The following AFF3 variants were observed in gnomAD, a reference collection of about 807,000 sequenced individuals.
AFF3 encodes the protein AF4/FMR2 family member 3.
AFF3 carries 32 observed loss-of-function variants against 129.7 expected under a neutral mutation model. The ratio of observed to expected loss-of-function variants is 0.25; its 90% CI spans 0.19 to 0.33. The LOEUF is 0.33. AFF3 is among the 10% of genes least tolerant of loss of function. AFF3 has a pLI of 1.00. For synonymous variants in AFF3, 644 were observed against 635.4 expected (o/e 1.01, Z -0.20); for missense variants, 1,373 against 1,592.0 (o/e 0.86, Z 2.34).
At chr2:99,855,340 CA>C (rs1304431273) in intron 7 of AFF3, among the ~76,000 whole-genome samples, 2 of 151,900 alleles carry the variant, frequency 1.3e-5, no homozygotes, top group Admixed American at 6.6e-5. Context: ...AAAGCTGTTA[CA>C]AAAAAATTAA....
intron 7 of AFF3, among the ~76,000 whole-genome samples, chr2:99,862,009 G>T (rs2105918156): frequency 6.6e-6 from 1 of 152,236 alleles, no homozygotes; most frequent in African/African-American, 2.4e-5. Context: ...AACTGCTGCA[G>T]ATTTAGAAAG....
At chr2:99,981,613 C>A (rs193142917) in intron 7 of AFF3, among the ~76,000 whole-genome samples, 52 of 152,264 alleles carry the variant, frequency 3.4e-4, no homozygotes, top group African/African-American at 1.2e-3. Flanking sequence ...TCTTCATATT[C>A]ATTTTCCTAC....
At chr2:99,706,495 G>T (rs1423054046) in intron 11 of AFF3, among the ~76,000 whole-genome samples, 1 of 152,186 alleles carries the variant, frequency 6.6e-6, no homozygotes, top group Non-Finnish European at 1.5e-5. Context: ...TGGCCCTCTG[G>T]AAAGAGCCTG....
intron 7 of AFF3, among the ~76,000 whole-genome samples, chr2:99,882,194 G>T (rs1423627616): frequency 6.6e-6 from 1 of 151,932 alleles, no homozygotes; most frequent in Non-Finnish European, 1.5e-5. Flanking sequence ...GCTCTCTGTG[G>T]GTGAACATAT....
intron 4 of AFF3, among the ~76,000 whole-genome samples, chr2:100,031,417 T>C (rs543858119): frequency 5.3e-5 from 8 of 152,158 alleles, no homozygotes; most frequent in Non-Finnish European, 1.0e-4. Flanking sequence ...ACTATAGATA[T>C]AGAGGGTTAC....
chr2:100,077,249 G>A (rs932092544), intron 4 of AFF3, among the ~76,000 whole-genome samples: 7 of 152,050 alleles, frequency 4.6e-5, no homozygotes, highest in African/African-American at 1.4e-4. Flanking sequence ...TGTCTCAAAC[G>A]AAAATAAAAC....
intron 8 of AFF3, among the ~76,000 whole-genome samples, chr2:99,830,394 A>C (rs574955855): frequency 1.3e-5 from 2 of 152,362 alleles, no homozygotes; most frequent in Non-Finnish European, 2.9e-5. Context: ...GGTGGTTTCC[A>C]TCAAAGAATA....
At chr2:99,847,112 TC>T (rs577756527) in intron 7 of AFF3, among the ~76,000 whole-genome samples, 237 of 152,218 alleles carry the variant, frequency 1.6e-3, no homozygotes, top group African/African-American at 5.5e-3. Context: ...TTTTCAATAC[TC>T]CAAGTTTTAT....
intron 20 of AFF3, among the ~76,000 whole-genome samples, chr2:99,562,998 C>G (rs1293990055): frequency 6.7e-6 from 1 of 148,272 alleles, no homozygotes; most frequent in Admixed American, 6.7e-5. Flanking sequence ...CTCCACTGAC[C>G]CACGCCTGCT....
At chr2:99,978,087 C>T (rs1366916729) in intron 7 of AFF3, among the ~76,000 whole-genome samples, 1 of 152,180 alleles carries the variant, frequency 6.6e-6, no homozygotes, top group Non-Finnish European at 1.5e-5. Flanking sequence ...CAGTAAAGTT[C>T]AAAGAGAGCT....
At chr2:99,559,624 A>T (rs1675285896) in intron 21 of AFF3, among the ~76,000 whole-genome samples, 1 of 152,206 alleles carries the variant, frequency 6.6e-6, no homozygotes, top group African/African-American at 2.4e-5. Context: ...AAAGGGGCAC[A>T]AAAGGCGTTT....
chr2:100,007,772 T>TAAA, intron 5 of AFF3: 2 of 351,968 alleles, frequency 5.7e-6, no homozygotes, highest in South Asian at 6.3e-5. Flanking sequence ...GTCAGGTGTT[T>TAAA]GAGATCAGCC....
At chr2:99,647,194 T>C (rs1299834454) in intron 13 of AFF3, among the ~76,000 whole-genome samples, 1 of 152,192 alleles carries the variant, frequency 6.6e-6, no homozygotes, top group African/African-American at 2.4e-5. Context: ...TAAAGACACA[T>C]GCACGTGTAC....
chr2:100,030,385 G>T (rs1684397062), intron 4 of AFF3, among the ~76,000 whole-genome samples: 2 of 152,124 alleles, frequency 1.3e-5, no homozygotes, highest in East Asian at 3.8e-4. Context: ...CTAATGTACA[G>T]CTTTTGGGAA....
intron 9 of AFF3, among the ~76,000 whole-genome samples, chr2:99,751,647 T>C (rs1575867787): frequency 6.6e-6 from 1 of 152,212 alleles, no homozygotes; most frequent in East Asian, 1.9e-4. Context: ...TCCTTCATAA[T>C]GAGTATGTAG....
Position 100,104,960 on chromosome 2 carries a change from C to A in AFF3, c.-64-442G>T, listed in dbSNP as rs1405843856. 3.3e-5 allele frequency: 5 copies of A among 152,986 alleles called. 1 individual carries two copies. The South Asian group carries it at 9.8e-4, about 30-fold the overall frequency. 9.5% of individuals were successfully genotyped at this position (152,986 alleles called of 1,614,324 possible). A position where few individuals can be genotyped will look rare whatever the true frequency, so the allele number is the denominator to read the frequency against. On this transcript the variant is annotated intron_variant, in intron 3 of 24. Transcript: ENST00000672756. ...CCCCTGTACTCCCCGCGCCGCTCCT[C>A]GGGGTCCCGCGGCGCTCGCAGGCCG... is the stretch of plus-strand genomic sequence containing the variant.
chr2:100,120,611 A>G (rs1308000330), intron 2 of AFF3, among the ~76,000 whole-genome samples: 2 of 152,230 alleles, frequency 1.3e-5, no homozygotes, highest in East Asian at 3.9e-4. Context: ...GGCAATTAAA[A>G]TGTAGCTTCA....
intron 7 of AFF3, among the ~76,000 whole-genome samples, chr2:99,994,968 T>C (rs1021611036): frequency 6.6e-6 from 1 of 151,962 alleles, no homozygotes; most frequent in Non-Finnish European, 1.5e-5. Context: ...CAAAGACAAG[T>C]GAGAAGGGAA....
At chr2:99,583,117 A>G in intron 16 of AFF3, 118 bp from the exon 17 acceptor site, 1 of 801,544 alleles carries the variant, frequency 1.2e-6, no homozygotes, top group South Asian at 1.7e-5. Flanking sequence ...CTTATTGGGA[A>G]TTATTATACC....
Sources: gnomAD v4.1 joint callset for allele counts (sites outside exome capture counted in the v4.1 genomes callset) on GRCh38, gnomAD v4.1.1 for gene constraint, MANE v1.5 for transcripts, NCBI Gene and HGNC (gene_info 2026-07-23, HGNC 2026-07-21) for gene names.